ROBO2: variants seen among roughly 807,000 people sequenced by gnomAD.
ROBO2 encodes roundabout guidance receptor 2, also known as roundabout homolog 2.
In ROBO2, 53 loss-of-function variants were observed where a neutral mutation model predicts 160.8. That is an observed-to-expected ratio of 0.33 (90% CI 0.26 to 0.41). The LOEUF (loss-of-function observed/expected upper bound fraction) is 0.41, where lower values mean the gene tolerates loss of function less well. Among genes scored for constraint, ROBO2 ranks in the 10% least tolerant of loss-of-function variants. ROBO2 has a pLI of 1.00. For synonymous variants in ROBO2, 664 were observed against 611.7 expected, an observed-to-expected ratio of 1.09 and a Z score of -1.26; for missense variants, 1,577 against 1,722.4, an observed-to-expected ratio of 0.92 and a Z score of 1.49.
chr3:77,304,135 T>A (rs2062891718), intron 2 of ROBO2, among the ~76,000 whole-genome samples: 2 of 152,104 alleles, frequency 1.3e-5, no homozygotes, highest in African/African-American at 4.8e-5. Flanking sequence ...CTTCAGAGAT[T>A]TAGGGTGATG....
At chr3:76,964,605 A>G (rs917810307) in intron 2 of ROBO2, among the ~76,000 whole-genome samples, 6 of 152,208 alleles carry the variant, frequency 3.9e-5, no homozygotes, top group African/African-American at 1.2e-4. Context: ...TCAGTCTCCA[A>G]TATACTCCTA....
At chr3:77,055,637 A>G (rs796369167) in intron 1 of ROBO2, among the ~76,000 whole-genome samples, 5 of 152,324 alleles carry the variant, frequency 3.3e-5, no homozygotes, top group African/African-American at 1.2e-4. Flanking sequence ...ATATCCACAT[A>G]TAAACTTCCA....
intron 2 of ROBO2, among the ~76,000 whole-genome samples, chr3:76,566,040 T>C (rs1383897550): frequency 6.6e-6 from 1 of 152,102 alleles, no homozygotes; most frequent in Admixed American, 6.6e-5. Flanking sequence ...TGGGGAGAAA[T>C]CAAAGTCTCT....
chr3:76,984,127 A>T (rs1019755522), intron 2 of ROBO2, among the ~76,000 whole-genome samples: 1 of 152,120 alleles, frequency 6.6e-6, no homozygotes, highest in South Asian at 2.1e-4. Context: ...GGATCCAGTT[A>T]CCTCCACCTG....
intron 1 of ROBO2, among the ~76,000 whole-genome samples, chr3:75,931,219 T>A (rs1443655201): frequency 6.6e-6 from 1 of 152,240 alleles, no homozygotes; most frequent in Non-Finnish European, 1.5e-5. Context: ...CCTTGAACAC[T>A]GTGGGTTTTT....
At chr3:76,024,631 A>G (rs1281284986) in intron 2 of ROBO2, among the ~76,000 whole-genome samples, 1 of 151,672 alleles carries the variant, frequency 6.6e-6, no homozygotes, top group Non-Finnish European at 1.5e-5. Flanking sequence ...TAAAAATTAC[A>G]TAGATTCTAT....
chr3:77,400,119 G>A (rs2153509907), intron 2 of ROBO2, among the ~76,000 whole-genome samples: 2 of 152,230 alleles, frequency 1.3e-5, no homozygotes, highest in African/African-American at 4.8e-5. Context: ...CCACTTCTTA[G>A]AATTGTCACT....
chr3:76,955,637 A>G (rs2079200714), intron 2 of ROBO2, among the ~76,000 whole-genome samples: 1 of 152,192 alleles, frequency 6.6e-6, no homozygotes, highest in Non-Finnish European at 1.5e-5. Flanking sequence ...TTACTGGCCA[A>G]CATTCAGGAA....
intron 2 of ROBO2, among the ~76,000 whole-genome samples, chr3:77,214,943 A>G (rs1290120459): frequency 6.6e-6 from 1 of 151,306 alleles, no homozygotes; most frequent in Non-Finnish European, 1.5e-5. Flanking sequence ...GTCTGCCGAG[A>G]GATCAGCTGT....
chr3:77,244,722 C>T (rs931518201), intron 2 of ROBO2, among the ~76,000 whole-genome samples: 3 of 151,754 alleles, frequency 2.0e-5, no homozygotes, highest in Admixed American at 6.6e-5. Context: ...TACTAAAATA[C>T]AGAAAATTAG....
intron 9 of ROBO2, among the ~76,000 whole-genome samples, chr3:77,559,037 A>G (rs986117922): frequency 2.6e-5 from 4 of 152,030 alleles, no homozygotes; most frequent in Non-Finnish European, 5.9e-5. Context: ...CCTTGTGGCT[A>G]CTGGACTAAC....
chr3:77,011,324 A>C (rs946270255), intron 2 of ROBO2, among the ~76,000 whole-genome samples: 5 of 152,164 alleles, frequency 3.3e-5, no homozygotes, highest in Non-Finnish European at 7.3e-5. Context: ...TAAATACGTC[A>C]AATGAATAAA....
chr3:76,504,398 C>T (rs1464534599), intron 2 of ROBO2, among the ~76,000 whole-genome samples: 3 of 152,146 alleles, frequency 2.0e-5, no homozygotes, highest in South Asian at 2.1e-4. Context: ...CTATGAGATC[C>T]GTCAGACTAA....
chr3:77,577,468 A>G (rs371530334), intron 14 of ROBO2, 22 bp from the exon 16 acceptor site: 1 of 1,613,010 alleles, frequency 6.2e-7, no homozygotes, highest in Non-Finnish European at 8.5e-7. Context: ...GTTTGCATTT[A>G]TTCTAATTAC....
At chr3:76,950,449 A>G (rs1414577182) in intron 2 of ROBO2, among the ~76,000 whole-genome samples, 1 of 152,202 alleles carries the variant, frequency 6.6e-6, no homozygotes, top group Admixed American at 6.5e-5. Flanking sequence ...TCTTATTCTG[A>G]AGCCATTTGT....
At chr3:76,482,541 G>A (rs527322824) in intron 2 of ROBO2, among the ~76,000 whole-genome samples, 10 of 152,158 alleles carry the variant, frequency 6.6e-5, no homozygotes, top group South Asian at 2.1e-4. Context: ...GATCACAGTC[G>A]TAGATTTTCC....
rs931549586 is a variant in ROBO2 at position 76,752,524 on chromosome 3, T to C, written c.110-345490T>C. Among the ~76,000 whole-genome samples the C allele has an allele frequency of 9.2e-5, 14 of 151,728 alleles. No homozygotes were observed. The East Asian group carries it at 2.3e-3, about 25-fold the overall frequency. On this transcript the variant is annotated intron_variant, in intron 2 of 26. Coordinates refer to the ROBO2 transcript ENST00000487694. ...GTGATACATTTTTTCTCTAGATTAG[T>C]CCAGAAGTGTTCAAGATTGAGGAGG...
At chr3:76,155,684 TTAAC>T (rs1300233911) in intron 2 of ROBO2, among the ~76,000 whole-genome samples, 3 of 152,194 alleles carry the variant, frequency 2.0e-5, no homozygotes, top group Admixed American at 1.3e-4. Flanking sequence ...TTGCACGTCT[TTAAC>T]TAATTCATTA....
intron 4 of ROBO2, among the ~76,000 whole-genome samples, chr3:77,491,247 T>C (rs940377829): frequency 1.3e-5 from 2 of 152,174 alleles, no homozygotes; most frequent in Non-Finnish European, 2.9e-5. Flanking sequence ...TTCTCTAGCT[T>C]GTTCATCCCA....
Sources: allele counts gnomAD v4.1 joint callset (sites outside exome capture counted in the v4.1 genomes callset), GRCh38; gene constraint gnomAD v4.1.1; transcripts MANE v1.5; gene names NCBI Gene and HGNC (gene_info 2026-07-23, HGNC 2026-07-21).